The following COL28A1 variants were observed in gnomAD, a reference collection of about 807,000 sequenced individuals.
COL28A1 encodes the protein collagen alpha-1(XXVIII) chain.
A neutral mutation model predicts 150.2 loss-of-function variants in COL28A1; 161 were observed. That is an observed-to-expected ratio of 1.07 (90% CI 0.94 to 1.22). The LOEUF (loss-of-function observed/expected upper bound fraction) is 1.22, where lower values mean the gene tolerates loss of function less well. COL28A1 is among the 50% of genes most tolerant of loss of function. COL28A1 has a pLI of 0.00. For missense variants in COL28A1, 1,617 were observed against 1,388.3 expected (o/e 1.16, Z -2.62); for synonymous variants, 552 against 469.7 (o/e 1.18, Z -2.26).
At chr7:7,438,997 G>T (rs1352646780) in intron 21 of COL28A1, among the ~76,000 whole-genome samples, 1 of 152,190 alleles carries the variant, frequency 6.6e-6, no homozygotes, top group African/African-American at 2.4e-5. Context: ...GAGATGAGTC[G>T]TGGAGAATGA....
chr7:7,441,580 A>G (rs187905357), intron 20 of COL28A1, among the ~76,000 whole-genome samples: 416 of 151,316 alleles, frequency 2.7e-3, no homozygotes, highest in African/African-American at 8.4e-3. Context: ...AAATATTTAT[A>G]CTATAAATTA....
At chr7:7,433,612 C>T (rs933238263) in intron 23 of COL28A1, among the ~76,000 whole-genome samples, 5 of 142,570 alleles carry the variant, frequency 3.5e-5, no homozygotes, top group South Asian at 2.2e-4. Context: ...CCAGCCTGGG[C>T]GACAGAGCAA....
intron 27 of COL28A1, among the ~76,000 whole-genome samples, chr7:7,401,883 G>T (rs1783226945): frequency 6.6e-6 from 1 of 152,064 alleles, no homozygotes; most frequent in Non-Finnish European, 1.5e-5. Flanking sequence ...CTCAAATATG[G>T]CAGGCATGGA....
At position 7,520,172 on chromosome 7, in the gene COL28A1, T is replaced by A. The variant is rs905240404; in HGVS notation, c.760-57A>T. The A allele has an allele frequency of 5.0e-6, 4 of 800,066 alleles. No homozygotes were observed. The African/African-American group carries it at 5.2e-5, about 10-fold the overall frequency. The allele number at this position is 800,066 out of a possible 1,614,324, so 49.6% of individuals were successfully genotyped here. A position where few individuals can be genotyped will look rare whatever the true frequency, so the allele number is the denominator to read the frequency against. ...GTAGGAATTCTATTGTTTTCTATAC[T>A]TTATAATAATTTCTGATCAGTTTTG... On this transcript the variant is annotated intron_variant, in intron 5 of 34. Transcript: ENST00000399429.
At chr7:7,382,223 T>C (rs370742477) in intron 27 of COL28A1, among the ~76,000 whole-genome samples, 13 of 151,932 alleles carry the variant, frequency 8.6e-5, no homozygotes, top group Admixed American at 3.9e-4. Flanking sequence ...GGCAGAAGAA[T>C]TGCTTGAACC....
chr7:7,370,383 AG>A (rs147344091), intron 33 of COL28A1, among the ~76,000 whole-genome samples: 1,864 of 152,286 alleles, frequency 0.012, 26 homozygotes, highest in South Asian at 0.044. Flanking sequence ...CTGGTATGAA[AG>A]GCACTGCACA....
At chr7:7,396,321 TG>T (rs1389265690) in intron 27 of COL28A1, among the ~76,000 whole-genome samples, 1 of 152,176 alleles carries the variant, frequency 6.6e-6, no homozygotes, top group Non-Finnish European at 1.5e-5. Flanking sequence ...GTGATAACCC[TG>T]GGAGCAAGTA....
chr7:7,352,510 C>T (rs556186573), downstream of COL28A1, among the ~76,000 whole-genome samples: 1 of 152,312 alleles, frequency 6.6e-6, no homozygotes, highest in African/African-American at 2.4e-5. Context: ...AGGAGAAAAT[C>T]TTTTCCAGCT....
At chr7:7,453,290 T>C in intron 17 of COL28A1, 150 bp downstream of exon 17, 3 of 625,508 alleles carry the variant, frequency 4.8e-6, no homozygotes, top group Middle Eastern at 5.2e-4. Context: ...TTTTCTAAAT[T>C]GTCAGGAATA....
chr7:7,530,034 T>C (rs1782260752), intron 3 of COL28A1, among the ~76,000 whole-genome samples: 1 of 152,112 alleles, frequency 6.6e-6, no homozygotes, highest in African/African-American at 2.4e-5. Context: ...AATAGTAACT[T>C]TGGAGGAGGG....
chr7:7,441,141 T>C (rs915810422), intron 20 of COL28A1, among the ~76,000 whole-genome samples: 10 of 152,250 alleles, frequency 6.6e-5, no homozygotes, highest in African/African-American at 2.2e-4. Context: ...TTATAGTTCA[T>C]TTTCACCCTT....
In COL28A1 at chr7:7,358,721, C is replaced by G; in HGVS notation, c.3290G>C (p.Cys1097Ser). Residue 1097 changes from cysteine to serine, a missense_variant, in exon 35 of 35, where the codon TGT (cysteine) becomes TCT (serine). By Grantham distance (112) the Cys-to-Ser change is moderately radical. Coordinates refer to ENST00000399429, the MANE Select transcript of COL28A1 (RefSeq NM_001037763.3). ...ACAGCCACTGAACCAAAATCGGGCACAAGAGTTGACCTGTTTGTCATAATA... is the reference window on the plus strand; with the variant it reads ...ACAGCCACTGAACCAAAATCGGGCAGAAGAGTTGACCTGTTTGTCATAATA... The part of the protein sequence containing the change: ...RWYYDKQVNS[C>S]ARFWFSGCNG... The G allele has an allele frequency of 2.5e-6, 4 of 1,614,006 alleles. No homozygotes were observed. The highest frequency in any genetic ancestry group is 3.4e-6 in the Non-Finnish European group (4 of 1,179,946).
intron 34 of COL28A1, among the ~76,000 whole-genome samples, chr7:7,359,849 TG>T (rs1778647388): frequency 6.6e-6 from 1 of 151,916 alleles, no homozygotes; most frequent in Non-Finnish European, 1.5e-5. Context: ...TAATATATAT[TG>T]TGTAATTCAT....
At chr7:7,440,387 G>A (rs1199300310) in intron 21 of COL28A1, among the ~76,000 whole-genome samples, 1 of 152,192 alleles carries the variant, frequency 6.6e-6, no homozygotes, top group East Asian at 1.9e-4. Flanking sequence ...TGGCACAGGA[G>A]GATGCAATCA....
chr7:7,515,738 TA>T, intron 8 of COL28A1, 75 bp downstream of exon 8: 1 of 783,256 alleles, frequency 1.3e-6, no homozygotes, highest in Non-Finnish European at 2.3e-6. Flanking sequence ...TAACTTTTAT[TA>T]AGTTCCTAAG....
intron 19 of COL28A1, 24 bp downstream of exon 19, chr7:7,444,394 G>C (rs745761206): frequency 1.1e-5 from 18 of 1,613,600 alleles, no homozygotes; most frequent in Non-Finnish European, 1.4e-5. Flanking sequence ...TCCTACTCCA[G>C]TAATACGAAA....
At chr7:7,542,445 G>A in the COL28A1 span, among the ~76,000 whole-genome samples, 3 of 152,332 alleles carry the variant, frequency 2.0e-5, no homozygotes, top group East Asian at 5.8e-4. Context: ...TGGGTGGCAG[G>A]TAATGGGTTT....
chr7:7,451,044 T>C (rs1786652422), intron 18 of COL28A1, among the ~76,000 whole-genome samples: 1 of 151,988 alleles, frequency 6.6e-6, no homozygotes, highest in Non-Finnish European at 1.5e-5. Context: ...TGATTATGTG[T>C]GAGGAGAGAA....
chr7:7,462,649 A>G (rs1448583847), intron 15 of COL28A1, among the ~76,000 whole-genome samples: 1 of 152,206 alleles, frequency 6.6e-6, no homozygotes, highest in Non-Finnish European at 1.5e-5. Flanking sequence ...ACCTGAGGTC[A>G]GGAGTTCACG....
Sources: allele counts gnomAD v4.1 joint callset (sites outside exome capture counted in the v4.1 genomes callset), GRCh38; gene constraint gnomAD v4.1.1; transcripts MANE v1.5; gene names NCBI Gene and HGNC (gene_info 2026-07-23, HGNC 2026-07-21).